The following FCHSD2 variants were observed in gnomAD, a reference collection of about 807,000 sequenced individuals.
The protein encoded by FCHSD2 is FCH and double SH3 domains 2.
In FCHSD2, 38 loss-of-function variants were observed where a neutral mutation model predicts 108.1. That is an observed-to-expected ratio of 0.35 (90% CI 0.27 to 0.46). The LOEUF is 0.46. Among genes scored for constraint, FCHSD2 ranks in the 20% least tolerant of loss-of-function variants. FCHSD2 has a pLI of 1.00. For synonymous variants in FCHSD2, 279 were observed against 314.7 expected (o/e 0.89, Z 1.20); for missense variants, 751 against 897.8 (o/e 0.84, Z 2.09).
chr11:72,860,759 C>T (rs1405601530), intron 13 of FCHSD2, among the ~76,000 whole-genome samples: 2 of 151,152 alleles, frequency 1.3e-5, no homozygotes, highest in African/African-American at 4.9e-5. Context: ...AGGAGGTTGC[C>T]GTCAGCTGAG....
intron 14 of FCHSD2, among the ~76,000 whole-genome samples, chr11:72,847,684 T>G (rs985793377): frequency 1.3e-5 from 2 of 151,154 alleles, no homozygotes; most frequent in African/African-American, 4.8e-5. Context: ...GGCTTTTGAC[T>G]CTAACCTTTT....
At chr11:73,046,280 C>T (rs916377453) in intron 3 of FCHSD2, among the ~76,000 whole-genome samples, 1 of 152,110 alleles carries the variant, frequency 6.6e-6, no homozygotes, top group Admixed American at 6.5e-5. Context: ...GTGCAAGCCA[C>T]CATCCCCAGC....
chr11:73,137,185 A>T (rs1861138502), intron 2 of FCHSD2, among the ~76,000 whole-genome samples: 1 of 152,246 alleles, frequency 6.6e-6, no homozygotes, highest in South Asian at 2.1e-4. Context: ...CAACTTTTTC[A>T]ATATTGTCTT....
At chr11:72,852,091 G>A (rs1861305467) in intron 13 of FCHSD2, among the ~76,000 whole-genome samples, 1 of 151,740 alleles carries the variant, frequency 6.6e-6, no homozygotes. Flanking sequence ...GTTTCACCAC[G>A]TTGCTTAGGC....
At chr11:72,948,822 C>T (rs972954406) in intron 8 of FCHSD2, among the ~76,000 whole-genome samples, 1 of 151,912 alleles carries the variant, frequency 6.6e-6, no homozygotes, top group Admixed American at 6.6e-5. Flanking sequence ...CCCGCCACTA[C>T]GCCTGGCTAA....
chr11:73,068,816 AAAAAAAAAAAAAAAAAG>A (rs1035878665), intron 3 of FCHSD2, among the ~76,000 whole-genome samples: 12 of 148,594 alleles, frequency 8.1e-5, no homozygotes, highest in Admixed American at 7.4e-4. Context: ...CAAAAAGTAA[AAAAAAAAAAAAAAAAAG>A]AAAAAGAAAA....
intron 9 of FCHSD2, among the ~76,000 whole-genome samples, chr11:72,908,787 CT>C (rs1323533939): frequency 2.0e-5 from 3 of 152,126 alleles, no homozygotes; most frequent in Non-Finnish European, 4.4e-5. Flanking sequence ...CCATCTCAGC[CT>C]CCTACAGACA....
chr11:73,046,536 T>C (rs1231913396), intron 3 of FCHSD2, among the ~76,000 whole-genome samples: 1 of 152,210 alleles, frequency 6.6e-6, no homozygotes, highest in East Asian at 1.9e-4. Context: ...CACATTACTA[T>C]AAATTATTGG....
chr11:72,861,871 C>T (rs1024330204), intron 13 of FCHSD2, among the ~76,000 whole-genome samples: 1 of 148,140 alleles, frequency 6.8e-6, no homozygotes, highest in African/African-American at 2.5e-5. Flanking sequence ...GTGGAGGTTG[C>T]GGTGAGCTGA....
At chr11:73,005,095 A>G (rs890986123) in intron 4 of FCHSD2, among the ~76,000 whole-genome samples, 1 of 152,164 alleles carries the variant, frequency 6.6e-6, no homozygotes, top group Non-Finnish European at 1.5e-5. Context: ...AAAATCTACA[A>G]TGTCAGTTTT....
At chr11:72,878,702 G>A (rs1855019843) in intron 12 of FCHSD2, among the ~76,000 whole-genome samples, 1 of 152,172 alleles carries the variant, frequency 6.6e-6, no homozygotes, top group South Asian at 2.1e-4. Flanking sequence ...TCTATAATAA[G>A]TTGAAATGAT....
At chr11:72,890,959 T>C (rs1855302022) in intron 10 of FCHSD2, among the ~76,000 whole-genome samples, 1 of 152,190 alleles carries the variant, frequency 6.6e-6, no homozygotes, top group African/African-American at 2.4e-5. Context: ...AATTGTAGAA[T>C]GAAAAGAATT....
chr11:72,840,812 T>A (rs905459329), intron 19 of FCHSD2, 65 bp downstream of exon 19: 1 of 1,222,484 alleles, frequency 8.2e-7, no homozygotes, highest in Admixed American at 1.8e-5. Context: ...CGGGGAAACA[T>A]TAATTCCTTA....
intron 3 of FCHSD2, among the ~76,000 whole-genome samples, chr11:73,081,613 G>A (rs956083134): frequency 4.0e-5 from 6 of 151,746 alleles, no homozygotes; most frequent in East Asian, 1.9e-4. Context: ...TGCAATCTCC[G>A]GCTCCAGGGA....
chr11:72,901,113 C>T (rs997255024), intron 10 of FCHSD2, among the ~76,000 whole-genome samples: 5 of 152,128 alleles, frequency 3.3e-5, no homozygotes, highest in African/African-American at 9.7e-5. Context: ...CAATTGGGGC[C>T]GGACATCGTG....
chr11:72,849,423 G>C (rs1397072823), intron 14 of FCHSD2, among the ~76,000 whole-genome samples: 1 of 152,208 alleles, frequency 6.6e-6, no homozygotes, highest in Non-Finnish European at 1.5e-5. Flanking sequence ...TAATAAAAGA[G>C]GCAATGGGAT....
intron 18 of FCHSD2, 90 bp downstream of exon 18, chr11:72,841,364 A>AAG (rs1860931140): frequency 1.0e-6 from 1 of 999,682 alleles, no homozygotes; most frequent in African/African-American, 1.8e-5. Context: ...AAAAAAAAAA[A>AAG]GCAAATGCAG....
intron 3 of FCHSD2, among the ~76,000 whole-genome samples, chr11:73,069,171 C>G (rs1273291408): frequency 7.1e-6 from 1 of 141,630 alleles, no homozygotes; most frequent in Admixed American, 7.0e-5. Context: ...ATTAGCCAGG[C>G]GTGGTGGCAT....
At chr11:73,018,613 G>A (rs983015808) in intron 3 of FCHSD2, among the ~76,000 whole-genome samples, 9 of 150,402 alleles carry the variant, frequency 6.0e-5, no homozygotes, top group Non-Finnish European at 1.3e-4. Flanking sequence ...ATGGATAAAT[G>A]CCACCTACAT....
Sources: gnomAD v4.1 joint callset for allele counts (sites outside exome capture counted in the v4.1 genomes callset) on GRCh38, gnomAD v4.1.1 for gene constraint, MANE v1.5 for transcripts, NCBI Gene and HGNC (gene_info 2026-07-23, HGNC 2026-07-21) for gene names.